Variants in MCF2L2 observed in about 807,000 individuals in gnomAD.
MCF2L2 encodes probable guanine nucleotide exchange factor MCF2L2.
A neutral mutation model predicts 150.2 loss-of-function variants in MCF2L2; 102 were observed. That is an observed-to-expected ratio of 0.68 (90% confidence interval 0.58 to 0.80). The LOEUF (loss-of-function observed/expected upper bound fraction) is 0.80, where lower values mean the gene tolerates loss of function less well. MCF2L2 is among the 30% of genes least tolerant of loss of function. The pLI, the probability that MCF2L2 is intolerant of heterozygous loss-of-function variation, is 0.00. For synonymous variants in MCF2L2, 465 were observed against 491.3 expected, an observed-to-expected ratio of 0.95 and a Z score of 0.71; for missense variants, 1,256 against 1,372.8, an observed-to-expected ratio of 0.91 and a Z score of 1.34.
chr3:183,214,311 T>C (rs371588474), intron 22 of MCF2L2, among the ~76,000 whole-genome samples: 3 of 152,318 alleles, frequency 2.0e-5, no homozygotes, highest in African/African-American at 7.2e-5. Context: ...AAATGATCCT[T>C]ATACACACCC....
chr3:183,315,827 T>C (rs1188145109), intron 7 of MCF2L2, among the ~76,000 whole-genome samples: 4 of 152,232 alleles, frequency 2.6e-5, no homozygotes, highest in Non-Finnish European at 5.9e-5. Context: ...CCTGACTGGC[T>C]GGTTTTCACC....
intron 5 of MCF2L2, among the ~76,000 whole-genome samples, chr3:183,325,114 T>A: frequency 2.1e-5 from 2 of 95,178 alleles, no homozygotes; most frequent in South Asian, 8.4e-4. Flanking sequence ...CCGGGGACTG[T>A]TGTGGGGTGG....
chr3:183,234,331 C>A (rs913201617), intron 15 of MCF2L2, among the ~76,000 whole-genome samples: 1 of 152,076 alleles, frequency 6.6e-6, no homozygotes, highest in African/African-American at 2.4e-5. Context: ...AGGTTATTAT[C>A]CAAAAATGAT....
At chr3:183,402,384 G>A (rs1300659405) in intron 1 of MCF2L2, among the ~76,000 whole-genome samples, 1 of 149,454 alleles carries the variant, frequency 6.7e-6, no homozygotes, top group Non-Finnish European at 1.5e-5. Flanking sequence ...ACCTCGGGAG[G>A]CGGAGCTTGC....
At chr3:183,229,826 C>T (rs1723481368) in intron 16 of MCF2L2, 45 bp from the exon 17 acceptor site, 1 of 801,482 alleles carries the variant, frequency 1.2e-6, no homozygotes, top group African/African-American at 1.8e-5. Flanking sequence ...AGGAACATAC[C>T]AGAGATCATC....
intron 15 of MCF2L2, among the ~76,000 whole-genome samples, chr3:183,248,898 C>T (rs1173561669): frequency 2.0e-5 from 3 of 152,060 alleles, no homozygotes; most frequent in Admixed American, 2.0e-4. Flanking sequence ...AATATCAGTA[C>T]AACCAAACCT....
intron 27 of MCF2L2, among the ~76,000 whole-genome samples, chr3:183,191,605 G>A (rs1387855831): frequency 1.3e-5 from 2 of 152,172 alleles, no homozygotes; most frequent in Non-Finnish European, 2.9e-5. Flanking sequence ...TTGGCAGTTT[G>A]AGATGCGACA....
At chr3:183,390,702 G>A (rs1194888177) in intron 1 of MCF2L2, among the ~76,000 whole-genome samples, 1 of 152,172 alleles carries the variant, frequency 6.6e-6, no homozygotes, top group African/African-American at 2.4e-5. Context: ...TTTGAGACCA[G>A]CCTGGTCAAC....
intron 4 of MCF2L2, among the ~76,000 whole-genome samples, chr3:183,340,877 A>C (rs1730669860): frequency 6.6e-6 from 1 of 152,232 alleles, no homozygotes; most frequent in East Asian, 1.9e-4. Context: ...CGGGAGGCAG[A>C]GGTTGCAGTC....
chr3:183,249,242 T>G (rs1724400262), intron 15 of MCF2L2, among the ~76,000 whole-genome samples: 1 of 151,924 alleles, frequency 6.6e-6, no homozygotes. Flanking sequence ...CTTCCGGGAG[T>G]GTGGAGTGTG....
At chr3:183,383,413 T>C (rs1329418513) in intron 2 of MCF2L2, among the ~76,000 whole-genome samples, 8 of 152,134 alleles carry the variant, frequency 5.3e-5, no homozygotes, top group Non-Finnish European at 1.2e-4. Flanking sequence ...TTTGTATTTT[T>C]AGTAGAGATG....
intron 15 of MCF2L2, among the ~76,000 whole-genome samples, chr3:183,276,190 T>C (rs73184920): frequency 0.012 from 1,861 of 152,332 alleles, 24 homozygotes; most frequent in Non-Finnish European, 0.022. Flanking sequence ...AGTGAAAGAA[T>C]ATAAAGTAGT....
chr3:183,276,585 C>A (rs949147125), intron 15 of MCF2L2: 6 of 342,684 alleles, frequency 1.8e-5, no homozygotes, highest in African/African-American at 1.3e-4. Context: ...ATAATTCAGT[C>A]AATATCAACA....
chr3:183,284,702 C>CA (rs775947593), intron 14 of MCF2L2, among the ~76,000 whole-genome samples: 3,107 of 130,490 alleles, frequency 0.024, 57 homozygotes, highest in East Asian at 0.06. Flanking sequence ...ACTCTGTCTC[C>CA]AAAAAAAAAA....
intron 5 of MCF2L2, among the ~76,000 whole-genome samples, chr3:183,336,733 A>G (rs1162221203): frequency 5.9e-5 from 9 of 151,844 alleles, no homozygotes. Context: ...GGGTGCCTAT[A>G]ATCCCAGCTA....
chr3:183,382,217 C>A (rs1713572969), intron 2 of MCF2L2, among the ~76,000 whole-genome samples: 1 of 152,152 alleles, frequency 6.6e-6, no homozygotes, highest in South Asian at 2.1e-4. Flanking sequence ...TGCCACCACG[C>A]CCAGCTAATT....
intron 25 of MCF2L2, among the ~76,000 whole-genome samples, chr3:183,199,364 T>C (rs1189752484): frequency 6.6e-6 from 1 of 152,182 alleles, no homozygotes; most frequent in Non-Finnish European, 1.5e-5. Flanking sequence ...CCTAGTAACA[T>C]TACCTGAGGG....
At chr3:183,329,508 A>G (rs78561425) in intron 5 of MCF2L2, among the ~76,000 whole-genome samples, 15,872 of 152,256 alleles carry the variant, frequency 0.1, 1,211 homozygotes, top group African/African-American at 0.21. Context: ...CTTAATCACT[A>G]AAAACTAGAA....
chr3:183,222,454 G>A (rs1443595505), intron 20 of MCF2L2, among the ~76,000 whole-genome samples: 4 of 152,092 alleles, frequency 2.6e-5, no homozygotes, highest in African/African-American at 4.8e-5. Context: ...GGAGGCTGAG[G>A]CAGGAGAATT....
Sources: gnomAD v4.1 joint callset for allele counts (sites outside exome capture counted in the v4.1 genomes callset) on GRCh38, gnomAD v4.1.1 for gene constraint, MANE v1.5 for transcripts, NCBI Gene and HGNC (gene_info 2026-07-23, HGNC 2026-07-21) for gene names.